RIMS2: variants seen among roughly 807,000 people sequenced by gnomAD.
RIMS2 encodes regulating synaptic membrane exocytosis protein 2.
A neutral mutation model predicts 174.4 loss-of-function variants in RIMS2; 59 were observed. The observed-to-expected ratio is 0.34, with a 90% CI of 0.27 to 0.42. RIMS2 has a LOEUF of 0.42. RIMS2 is among the 10% of genes least tolerant of loss of function. The pLI is 1.00. For synonymous variants in RIMS2, 606 were observed against 572.5 expected (o/e 1.06, Z -0.84); for missense variants, 1,620 against 1,666.3 (o/e 0.97, Z 0.48).
rs1243774630 is a variant in RIMS2 at position 103,641,111 on chromosome 8, C to T, written c.177-55975C>T. Among the ~76,000 whole-genome samples, 3 of 151,956 alleles carry T rather than the reference C, an allele frequency of 2.0e-5. No individual in the cohort carries two copies. The South Asian group carries it at 6.2e-4, about 31-fold the overall frequency. ...ATTATTATGAAATACTTTGATTTTT[C>T]TCTGATAATTTTCCTTGCTCTAAAG... On this transcript the variant is annotated intron_variant, in intron 1 of 23. Coordinates refer to ENST00000504942, the Ensembl canonical transcript of RIMS2.
chr8:103,942,624 T>C (rs1420111846), intron 13 of RIMS2, 149 bp from the exon 16 acceptor site: 4 of 516,072 alleles, frequency 7.8e-6, no homozygotes. Flanking sequence ...GTCAAGAACA[T>C]ATTGACAATT....
At chr8:103,867,961 AATGAAGATTATAATTT>A (rs1428612307) in intron 3 of RIMS2, among the ~76,000 whole-genome samples, 1 of 151,976 alleles carries the variant, frequency 6.6e-6, no homozygotes, top group Non-Finnish European at 1.5e-5. Flanking sequence ...TAATTTTTAA[AATGAAGATTATAATTT>A]TAAGCCCATT....
At chr8:103,585,747 A>G (rs1000119382) in intron 1 of RIMS2, among the ~76,000 whole-genome samples, 5 of 151,874 alleles carry the variant, frequency 3.3e-5, no homozygotes, top group African/African-American at 1.2e-4. Context: ...GGGCAAGGGG[A>G]GGGAGTGCAT....
intron 1 of RIMS2, among the ~76,000 whole-genome samples, chr8:103,520,099 G>T (rs1480782793): frequency 6.6e-6 from 1 of 152,016 alleles, no homozygotes; most frequent in East Asian, 1.9e-4. Flanking sequence ...CTAATTTTGT[G>T]ACCTTGAGCA....
chr8:104,058,830 T>C (rs1294478120), intron 19 of RIMS2, among the ~76,000 whole-genome samples: 1 of 152,248 alleles, frequency 6.6e-6, no homozygotes, highest in Non-Finnish European at 1.5e-5. Flanking sequence ...TAGGGAATCC[T>C]TTCCCCATTG....
intron 19 of RIMS2, among the ~76,000 whole-genome samples, chr8:104,053,730 A>G (rs1267840104): frequency 6.6e-6 from 1 of 152,182 alleles, no homozygotes; most frequent in Non-Finnish European, 1.5e-5. Flanking sequence ...TAAATTACCC[A>G]AGCCATTTGA....
intron 1 of RIMS2, among the ~76,000 whole-genome samples, chr8:103,587,409 GAAGA>G (rs201019003): frequency 0.18 from 20,464 of 116,840 alleles, 1,876 homozygotes; most frequent in East Asian, 0.34. Context: ...GAAGAAAAAA[GAAGA>G]AAGAAAGAAA....
chr8:103,982,277 C>T (rs974096658), intron 16 of RIMS2, among the ~76,000 whole-genome samples: 2 of 151,954 alleles, frequency 1.3e-5, no homozygotes, highest in African/African-American at 4.8e-5. Context: ...AAAGAAAAGC[C>T]TGAACCCAAT....
At chr8:103,729,531 A>T (rs980604505) in intron 2 of RIMS2, among the ~76,000 whole-genome samples, 2 of 151,524 alleles carry the variant, frequency 1.3e-5, no homozygotes, top group Admixed American at 1.3e-4. Context: ...ACTTTGTTTT[A>T]TTGATCTTTT....
At position 104,180,119 on chromosome 8, in the gene RIMS2, G is replaced by A. The variant is rs185611043; in HGVS notation, c.3335-64797G>A. ...TAATGCTCTATTGAAGGGCATTTAG[G>A]CTTTTCTATACAATGCTACCGTGAA... On this transcript the variant is annotated intron_variant, in intron 19 of 23. Transcript: ENST00000504942. Among the ~76,000 whole-genome samples, 28 of 151,800 alleles carry A rather than the reference G, an allele frequency of 1.8e-4. No homozygotes were observed. The East Asian group carries it at 5.0e-3, about 27-fold the overall frequency.
chr8:104,182,016 C>A (rs1175851760), intron 19 of RIMS2, among the ~76,000 whole-genome samples: 1 of 151,464 alleles, frequency 6.6e-6, no homozygotes, highest in Non-Finnish European at 1.5e-5. Flanking sequence ...TATGTTAGAT[C>A]CATTTAGGAC....
intron 19 of RIMS2, among the ~76,000 whole-genome samples, chr8:104,189,450 C>T (rs2098985923): frequency 6.6e-6 from 1 of 151,774 alleles, no homozygotes; most frequent in African/African-American, 2.4e-5. Context: ...TACTCTCTTA[C>T]TGTGTAACTG....
intron 19 of RIMS2, among the ~76,000 whole-genome samples, chr8:104,145,671 CAATAAATAAATAAATA>C (rs61691382): frequency 1.1e-4 from 15 of 132,678 alleles, no homozygotes; most frequent in East Asian, 2.3e-4. Context: ...ACTAAAAATA[CAATAAATAAATAAATA>C]AATAAATAAA....
intron 15 of RIMS2, among the ~76,000 whole-genome samples, chr8:103,962,967 G>C (rs2090639495): frequency 1.3e-5 from 2 of 151,682 alleles, no homozygotes; most frequent in South Asian, 4.2e-4. Flanking sequence ...GGTATATGTA[G>C]TTTTTTTTCA....
chr8:104,071,284 A>G (rs2097191377), intron 19 of RIMS2, among the ~76,000 whole-genome samples: 1 of 152,224 alleles, frequency 6.6e-6, no homozygotes, highest in Non-Finnish European at 1.5e-5. Context: ...ATTGGTAAAA[A>G]TTAATTGTAC....
chr8:103,921,955 G>T, intron 10 of RIMS2, 171 bp downstream of exon 13: 2 of 392,526 alleles, frequency 5.1e-6, no homozygotes, highest in East Asian at 4.2e-5. Context: ...TTATCATACT[G>T]CTTCATTTAT....
chr8:103,616,664 T>G (rs2095511641), intron 1 of RIMS2, among the ~76,000 whole-genome samples: 1 of 151,950 alleles, frequency 6.6e-6, no homozygotes, highest in Non-Finnish European at 1.5e-5. Context: ...TAAACAACTT[T>G]AACAAAGTTG....
chr8:104,093,628 G>A lies in RIMS2; in HGVS notation c.3334+79013G>A, dbSNP rs537701932. 8.2e-6 allele frequency: 13 copies of A among 1,594,094 alleles called. No homozygotes were observed. The East Asian group carries it at 2.9e-4, about 36-fold the overall frequency. On this transcript the variant is annotated intron_variant, in intron 19 of 23. Transcript: ENST00000504942. ...TCTGTCCAATCAGAACGCCCAGGAG[G>A]AAACAAGAAAATCAGGTAAGGGGAT... is the stretch of plus-strand genomic sequence containing the variant.
At chr8:104,126,902 T>C (rs563323314) in intron 19 of RIMS2, among the ~76,000 whole-genome samples, 2 of 152,316 alleles carry the variant, frequency 1.3e-5, no homozygotes, top group East Asian at 3.9e-4. Context: ...TACACTTGCC[T>C]CAAGAGCTAA....
Sources: allele counts gnomAD v4.1 joint callset (sites outside exome capture counted in the v4.1 genomes callset), GRCh38; gene constraint gnomAD v4.1.1; transcripts MANE v1.5; gene names NCBI Gene and HGNC (gene_info 2026-07-23, HGNC 2026-07-21).